ZFYVE9: variants seen among roughly 807,000 people sequenced by gnomAD.
The protein encoded by ZFYVE9 is zinc finger FYVE-type containing 9.
In ZFYVE9, 43 loss-of-function variants were observed where a neutral mutation model predicts 126.7. The ratio of observed to expected loss-of-function variants is 0.34; its 90% CI spans 0.27 to 0.44. The LOEUF (loss-of-function observed/expected upper bound fraction) is 0.44. Ranked by LOEUF, ZFYVE9 falls within the 20% of genes least tolerant of loss-of-function variation. The pLI, the probability that ZFYVE9 is intolerant of heterozygous loss-of-function variation, is 1.00. For synonymous variants in ZFYVE9, 521 were observed against 597.4 expected, an observed-to-expected ratio of 0.87 and a Z score of 1.87; for missense variants, 1,476 against 1,697.0, an observed-to-expected ratio of 0.87 and a Z score of 2.29.
intron 1 of ZFYVE9, among the ~76,000 whole-genome samples, chr1:52,205,214 A>C (rs1299462374): frequency 6.6e-6 from 1 of 151,404 alleles, no homozygotes; most frequent in Non-Finnish European, 1.5e-5. Context: ...AGCTGCGACT[A>C]CAGCCGTGCA....
chr1:52,212,662 TTAATTAAA>T (rs1316662347), intron 1 of ZFYVE9, among the ~76,000 whole-genome samples: 1 of 152,172 alleles, frequency 6.6e-6, no homozygotes, highest in African/African-American at 2.4e-5. Context: ...TATGCTATAC[TTAATTAAA>T]TAATTAAATC....
rs202136399 is a variant in ZFYVE9 at position 52,177,939 on chromosome 1, G to GTTT, written c.-143+35538_-143+35540dup. 5.8e-5 allele frequency among the ~76,000 whole-genome samples: 8 copies of GTTT among 138,196 alleles called. 1 individual carries two copies. Among genetic ancestry groups the GTTT allele is most frequent in the Non-Finnish European group, 4.8e-5 (3 of 63,012 alleles). The allele number at this position is 138,196 out of a possible 152,430, so 90.7% of individuals were successfully genotyped here. ...AAGACTTCATATACTATGAAAAGTAGTTTTGTTTTTTTTTTTTTTAGCAGG... is the reference window on the plus strand; with the variant it reads ...AAGACTTCATATACTATGAAAAGTAGTTTTTTTGTTTTTTTTTTTTTTAGCAGG... On this transcript the variant is annotated intron_variant, in intron 1 of 18. Transcript: ENST00000287727.
rs76642494 is a variant in ZFYVE9, at chr1:52,228,497, A to G, written c.-36-4674A>G. 7.0e-3 allele frequency among the ~76,000 whole-genome samples: 1,066 copies of G among 152,264 alleles called. 13 individuals are homozygous for G. Among genetic ancestry groups the G allele is most frequent in the African/African-American group, 0.024 (1,013 of 41,530 alleles). On this transcript the variant is annotated intron_variant, in intron 2 of 18. Transcript: ENST00000287727. Reference sequence around the variant, plus strand: ...AAAGACTAGAACAATTAAGACCCATATATCCTTCAGCTAGAGTTATCAGTT... The same window carrying G: ...AAAGACTAGAACAATTAAGACCCATGTATCCTTCAGCTAGAGTTATCAGTT...
At chr1:52,180,341 C>T (rs779615673) in intron 1 of ZFYVE9, 67 of 1,567,622 alleles carry the variant, frequency 4.3e-5, no homozygotes, top group African/African-American at 6.8e-5. Context: ...TATTTGTTTA[C>T]GTGGAAGGAG....
chr1:52,187,351 A>G (rs1644774154), intron 1 of ZFYVE9, among the ~76,000 whole-genome samples: 1 of 152,210 alleles, frequency 6.6e-6, no homozygotes, highest in Non-Finnish European at 1.5e-5. Context: ...TAAAACCCAA[A>G]AGTATAAAAA....
At chr1:52,262,218 GCTT>G (rs1645586471) in intron 4 of ZFYVE9, among the ~76,000 whole-genome samples, 1 of 152,146 alleles carries the variant, frequency 6.6e-6, no homozygotes, top group Non-Finnish European at 1.5e-5. Context: ...TCTCCCTCAG[GCTT>G]CTTTTATAGG....
intron 2 of ZFYVE9, among the ~76,000 whole-genome samples, chr1:52,219,752 TGTG>T (rs1557463646): frequency 1.6e-3 from 47 of 28,680 alleles, no homozygotes; most frequent in African/African-American, 5.4e-3. Context: ...AGATCTTTTG[TGTG>T]TGTGTGTGTG....
chr1:52,269,769 A>G (rs995262667), intron 7 of ZFYVE9, among the ~76,000 whole-genome samples: 1 of 149,244 alleles, frequency 6.7e-6, no homozygotes, highest in East Asian at 2.0e-4. Flanking sequence ...ATTCCCCCCA[A>G]CTGTTTTTTT....
chr1:52,343,982 G>A (rs1198615389), intron 17 of ZFYVE9, among the ~76,000 whole-genome samples: 1 of 150,710 alleles, frequency 6.6e-6, no homozygotes, highest in African/African-American at 2.4e-5. Context: ...TGAAGCAGGA[G>A]AATCACTTGA....
At chr1:52,247,414 T>C (rs1477048042) in intron 4 of ZFYVE9, among the ~76,000 whole-genome samples, 1 of 152,164 alleles carries the variant, frequency 6.6e-6, no homozygotes. Flanking sequence ...AATTTACCAG[T>C]GTATATGGGT....
intron 1 of ZFYVE9, among the ~76,000 whole-genome samples, chr1:52,145,222 T>A (rs569870775): frequency 6.6e-6 from 1 of 152,360 alleles, no homozygotes; most frequent in African/African-American, 2.4e-5. Flanking sequence ...TTGCTTATAT[T>A]GCCTGGTGAT....
chr1:52,319,629 A>T (rs1646219153), intron 13 of ZFYVE9, among the ~76,000 whole-genome samples: 1 of 150,730 alleles, frequency 6.6e-6, no homozygotes, highest in Non-Finnish European at 1.5e-5. Context: ...TCTCAAAAAA[A>T]AAATAAAATA....
At chr1:52,302,504 A>G (rs1160142734) in intron 12 of ZFYVE9, among the ~76,000 whole-genome samples, 5 of 152,204 alleles carry the variant, frequency 3.3e-5, no homozygotes, top group African/African-American at 7.2e-5. Flanking sequence ...TAATCCCAGC[A>G]TTTTGGGAGG....
chr1:52,273,698 C>G (rs533657761), intron 7 of ZFYVE9, among the ~76,000 whole-genome samples: 89 of 151,712 alleles, frequency 5.9e-4, no homozygotes, highest in Non-Finnish European at 9.4e-4. Flanking sequence ...CGTGGTGGCA[C>G]GCACCTGTAA....
At chr1:52,194,434 A>G (rs1369426251) in intron 1 of ZFYVE9, among the ~76,000 whole-genome samples, 2 of 152,206 alleles carry the variant, frequency 1.3e-5, no homozygotes, top group East Asian at 3.8e-4. Flanking sequence ...CATGATACAT[A>G]TAAGGAATAT....
At chr1:52,206,073 G>T (rs1057282260) in intron 1 of ZFYVE9, among the ~76,000 whole-genome samples, 1 of 152,064 alleles carries the variant, frequency 6.6e-6, no homozygotes, top group Non-Finnish European at 1.5e-5. Flanking sequence ...CTTGTTGCAG[G>T]TTAAGGCAAT....
At chr1:52,177,551 A>G (rs1446751762) in intron 1 of ZFYVE9, among the ~76,000 whole-genome samples, 1 of 152,250 alleles carries the variant, frequency 6.6e-6, no homozygotes, top group Admixed American at 6.5e-5. Flanking sequence ...AGAAAAAGGA[A>G]TAAGACATCT....
At chr1:52,244,773 G>T (rs768281714) in intron 4 of ZFYVE9, among the ~76,000 whole-genome samples, 1 of 152,164 alleles carries the variant, frequency 6.6e-6, no homozygotes, top group Non-Finnish European at 1.5e-5. Flanking sequence ...AAGCATTTTA[G>T]TTTGGAGAAG....
intron 3 of ZFYVE9, among the ~76,000 whole-genome samples, chr1:52,234,232 G>C (rs1191154555): frequency 6.6e-6 from 1 of 152,158 alleles, no homozygotes; most frequent in Non-Finnish European, 1.5e-5. Context: ...AGTTTACAAA[G>C]TGGTATATTT....
Sources: gnomAD v4.1 joint callset for allele counts (sites outside exome capture counted in the v4.1 genomes callset) on GRCh38, gnomAD v4.1.1 for gene constraint, MANE v1.5 for transcripts, NCBI Gene and HGNC (gene_info 2026-07-23, HGNC 2026-07-21) for gene names.